SEMA6D: variants seen among roughly 807,000 people sequenced by gnomAD.
SEMA6D encodes semaphorin 6D.
SEMA6D carries 35 observed loss-of-function variants against 106.6 expected under a neutral mutation model. That is an observed-to-expected ratio of 0.33 (90% CI 0.25 to 0.44). The LOEUF (loss-of-function observed/expected upper bound fraction) is 0.44, where lower values mean the gene tolerates loss of function less well. Among genes scored for constraint, SEMA6D ranks in the 20% least tolerant of loss-of-function variants. SEMA6D has a pLI of 1.00. For missense variants in SEMA6D, 1,185 were observed against 1,345.9 expected, an observed-to-expected ratio of 0.88 and a Z score of 1.87; for synonymous variants, 499 against 487.7, an observed-to-expected ratio of 1.02 and a Z score of -0.31.
intron 1 of SEMA6D, among the ~76,000 whole-genome samples, chr15:47,733,797 A>G (rs1186735927): frequency 6.6e-6 from 1 of 152,212 alleles, no homozygotes; most frequent in Non-Finnish European, 1.5e-5. Context: ...TTTGGTTTTT[A>G]TATTTACTAT....
chr15:47,417,764 T>G (rs558911584), intron 2 of SEMA6D, among the ~76,000 whole-genome samples: 2 of 152,150 alleles, frequency 1.3e-5, no homozygotes, highest in Admixed American at 1.3e-4. Flanking sequence ...AAATATTAAT[T>G]TTCCATGTGA....
intron 2 of SEMA6D, among the ~76,000 whole-genome samples, chr15:47,459,803 T>C (rs1349571231): frequency 6.6e-6 from 1 of 152,072 alleles, no homozygotes; most frequent in African/African-American, 2.4e-5. Flanking sequence ...AAAGATTTCA[T>C]CTCTGGGTGA....
Position 47,513,249 on chromosome 15 carries a change from A to G in SEMA6D, c.-87+42704A>G, listed in dbSNP as rs548718006. On this transcript the variant is annotated intron_variant, in intron 3 of 19. Coordinates refer to the SEMA6D transcript ENST00000558014. ...GCAGATTGATTTGTATCTGTGATACATATGTATCATGTATCTATAAATTAT... is the reference window on the plus strand; with the variant it reads ...GCAGATTGATTTGTATCTGTGATACGTATGTATCATGTATCTATAAATTAT... Among the ~76,000 whole-genome samples the G allele has an allele frequency of 2.1e-4, 32 of 152,290 alleles. No individual in the cohort carries two copies. In the East Asian group the frequency reaches 5.6e-3, roughly 27 times the overall value.
Position 47,208,005 on chromosome 15 carries a change from A to G in SEMA6D, c.-239+23587A>G, listed in dbSNP as rs935254783. On this transcript the variant is annotated intron_variant, in intron 1 of 19. Transcript: ENST00000558014. ...CACTGGCGCGCGCGCACACACACAC[A>G]CACACACACACACACACACACACAC... Among the ~76,000 whole-genome samples the G allele has an allele frequency of 2.4e-3, 249 of 105,282 alleles. 2 individuals carry two copies. Among genetic ancestry groups the G allele is most frequent in the African/African-American group, 9.8e-3 (211 of 21,610 alleles). The allele number at this position is 105,282 out of a possible 152,430, so 69.1% of individuals were successfully genotyped here.
intron 3 of SEMA6D, among the ~76,000 whole-genome samples, chr15:47,575,883 C>T (rs1020704734): frequency 3.9e-5 from 6 of 152,172 alleles, no homozygotes; most frequent in African/African-American, 1.2e-4. Flanking sequence ...CACAAATGCA[C>T]ATGTAGTAGG....
chr15:47,583,580 C>A (rs1011827930), intron 3 of SEMA6D, among the ~76,000 whole-genome samples: 4 of 152,134 alleles, frequency 2.6e-5, no homozygotes, highest in Non-Finnish European at 5.9e-5. Flanking sequence ...AGACATGGCC[C>A]TCTTTTAAAA....
chr15:47,282,915 C>T (rs559665788), intron 1 of SEMA6D, among the ~76,000 whole-genome samples: 5 of 152,274 alleles, frequency 3.3e-5, no homozygotes, highest in South Asian at 2.1e-4. Context: ...CATTCTCATG[C>T]CACTTCTCTG....
intron 1 of SEMA6D, among the ~76,000 whole-genome samples, chr15:47,267,533 T>A (rs1233980435): frequency 1.3e-5 from 2 of 152,138 alleles, no homozygotes; most frequent in East Asian, 3.9e-4. Flanking sequence ...CTTATGGGAT[T>A]CTTTAATTTT....
intron 1 of SEMA6D, chr15:47,730,315 C>T (rs1328844524): frequency 6.6e-6 from 10 of 1,507,364 alleles, no homozygotes; most frequent in South Asian, 3.4e-5. Flanking sequence ...CTTTGTCTTC[C>T]GAGTTCACCT....
chr15:47,639,593 T>A (rs1427065762), intron 4 of SEMA6D, among the ~76,000 whole-genome samples: 1 of 152,166 alleles, frequency 6.6e-6, no homozygotes. Context: ...AAGAGAAATG[T>A]TACAGTGGAA....
At chr15:47,646,992 C>A (rs921792262) in intron 4 of SEMA6D, among the ~76,000 whole-genome samples, 3 of 152,200 alleles carry the variant, frequency 2.0e-5, no homozygotes, top group Non-Finnish European at 4.4e-5. Context: ...CTACACCCTC[C>A]ATACTCTGCT....
intron 1 of SEMA6D, among the ~76,000 whole-genome samples, chr15:47,196,609 C>T (rs1470569233): frequency 6.6e-6 from 1 of 152,140 alleles, no homozygotes; most frequent in Non-Finnish European, 1.5e-5. Flanking sequence ...TAAAGCAAAT[C>T]CTTTGGAAGG....
chr15:47,357,514 G>C (rs1396682765), intron 1 of SEMA6D, among the ~76,000 whole-genome samples: 1 of 152,164 alleles, frequency 6.6e-6, no homozygotes, highest in Non-Finnish European at 1.5e-5. Context: ...GGATCAAGGA[G>C]AGCCAGTCTG....
chr15:47,584,830 A>C (rs1039256710), intron 3 of SEMA6D, among the ~76,000 whole-genome samples: 1 of 152,174 alleles, frequency 6.6e-6, no homozygotes, highest in African/African-American at 2.4e-5. Flanking sequence ...TTCAACAAAT[A>C]AGTTTTGAAA....
At chr15:47,623,339 G>A (rs1430406669) in intron 4 of SEMA6D, among the ~76,000 whole-genome samples, 1 of 152,088 alleles carries the variant, frequency 6.6e-6, no homozygotes, top group African/African-American at 2.4e-5. Flanking sequence ...TTATTTCTGT[G>A]CTAGTTTATG....
chr15:47,363,928 A>G (rs945842591), intron 1 of SEMA6D, among the ~76,000 whole-genome samples: 3 of 152,124 alleles, frequency 2.0e-5, no homozygotes, highest in African/African-American at 7.2e-5. Context: ...CAAGCAGGGG[A>G]AATGCCAGAC....
At chr15:47,249,422 G>C (rs1204830145) in intron 1 of SEMA6D, among the ~76,000 whole-genome samples, 3 of 151,128 alleles carry the variant, frequency 2.0e-5, no homozygotes, top group Non-Finnish European at 4.4e-5. Context: ...TGAATGGTGG[G>C]ATAACCTGAA....
chr15:47,326,347 A>G (rs1330557660), intron 1 of SEMA6D, among the ~76,000 whole-genome samples: 1 of 152,212 alleles, frequency 6.6e-6, no homozygotes, highest in Non-Finnish European at 1.5e-5. Flanking sequence ...ACCCTCAACC[A>G]GAAAGAAAAA....
chr15:47,366,909 G>A (rs1412619107), intron 1 of SEMA6D, among the ~76,000 whole-genome samples: 1 of 152,220 alleles, frequency 6.6e-6, no homozygotes, highest in Non-Finnish European at 1.5e-5. Flanking sequence ...AGTACTGACT[G>A]CTTAGCCAGG....
Sources: gnomAD v4.1 joint callset for allele counts (sites outside exome capture counted in the v4.1 genomes callset) on GRCh38, gnomAD v4.1.1 for gene constraint, MANE v1.5 for transcripts, NCBI Gene and HGNC (gene_info 2026-07-23, HGNC 2026-07-21) for gene names.